Variants in SLC19A1 observed in about 807,000 individuals in gnomAD.
SLC19A1 encodes solute carrier family 19 member 1, also known as reduced folate transporter.
SLC19A1 carries 37 observed loss-of-function variants against 35.3 expected under a neutral mutation model. The observed-to-expected ratio is 1.05, with a 90% confidence interval of 0.81 to 1.38. SLC19A1 has a LOEUF of 1.38. Ranked by LOEUF, SLC19A1 falls within the 40% of genes most tolerant of loss-of-function variation. SLC19A1 has a pLI of 0.00. For synonymous variants in SLC19A1, 460 were observed against 398.5 expected, an observed-to-expected ratio of 1.15 and a Z score of -1.84; for missense variants, 831 against 826.9, an observed-to-expected ratio of 1.00 and a Z score of -0.06.
At chr21:45,510,304 AC>A, downstream of SLC19A1, 1 of 1,553,632 alleles carries the variant, frequency 6.4e-7, no homozygotes. Flanking sequence ...CTCGGCCCCC[AC>A]TTGACCTCTG....
chr21:45,535,845 A>C (rs1337304645), intron 2 of SLC19A1: 1 of 154,400 alleles, frequency 6.5e-6, no homozygotes. Flanking sequence ...CTCAAGTCAG[A>C]TTGGGCAGGA....
At position 45,530,570 on chromosome 21, in the gene SLC19A1, G is replaced by A. The variant is rs573588649; in HGVS notation, c.1151+200C>T. On this transcript the variant is annotated intron_variant, in intron 4 of 5. Transcript: ENST00000311124. This position sits in a 1 kb window ranked among gnomAD's most constrained non-coding sequence, Gnocchi z 5.3. The stretch of plus-strand genomic sequence containing the variant: ...AGAGAGGAGCGTGGAGGGCCTGGGG[G>A]AGCAGCAAGACGGCACAGGAAGGGA... Among the ~76,000 whole-genome samples the A allele has an allele frequency of 5.8e-4, 89 of 152,276 alleles. No homozygotes were observed. Among genetic ancestry groups the A allele is most frequent in the Middle Eastern group, 6.8e-3 (2 of 294 alleles).
chr21:45,528,861 A>G (rs1480813903), intron 4 of SLC19A1, among the ~76,000 whole-genome samples: 1 of 152,242 alleles, frequency 6.6e-6, no homozygotes, highest in East Asian at 1.9e-4. Context: ...AGACAAGCAG[A>G]AAATGCTGGG....
chr21:45,540,793 G>A lies in SLC19A1; in HGVS notation c.-50+1575C>T, dbSNP rs1215832956. Among the ~76,000 whole-genome samples, 3 of 152,286 alleles carry A rather than the reference G, an allele frequency of 2.0e-5. No individual in the cohort carries two copies. The highest frequency in any genetic ancestry group is 2.9e-5 in the Non-Finnish European group (2 of 68,028). On this transcript the variant is annotated intron_variant, in intron 1 of 5. Coordinates refer to ENST00000311124, the MANE Select transcript of SLC19A1 (RefSeq NM_194255.4). The surrounding 1 kb of genome is among the most constrained non-coding windows in gnomAD (Gnocchi z 5.5). ...CAGGAGGGCCACGGGGAAGCAGAGAGAATCCCTGCCTTCAGGAGAAGGTTG... is the reference window on the plus strand; with the variant it reads ...CAGGAGGGCCACGGGGAAGCAGAGAAAATCCCTGCCTTCAGGAGAAGGTTG...
Position 45,562,129 on chromosome 21 carries a change from CAAA to C in SLC19A1, c.-50+610_-50+612del, listed in dbSNP as rs34594751. On this transcript the variant is annotated intron_variant, in intron 1 of 5. Coordinates refer to the SLC19A1 transcript ENST00000650808. ...CTGGCAACAGATCAAGACTCTGTCT[CAAA>C]AAAAAAAAAAAAAAAAGACAAATCC... Among the ~76,000 whole-genome samples, 201 of 121,558 alleles carry C rather than the reference CAAA, an allele frequency of 1.7e-3. 2 individuals are homozygous for C. Among genetic ancestry groups the C allele is most frequent in the Non-Finnish European group, 1.6e-3 (94 of 59,364 alleles). 79.7% of individuals were successfully genotyped at this position (121,558 alleles called of 152,430 possible).
In SLC19A1 at chr21:45,514,815, C is replaced by T; in HGVS notation, c.*843G>A. 1 of 557,238 alleles carries T rather than the reference C, an allele frequency of 1.8e-6. No individual in the cohort carries two copies. Among genetic ancestry groups the T allele is most frequent in the South Asian group, 2.6e-5 (1 of 38,152 alleles). 34.5% of individuals were successfully genotyped at this position (557,238 alleles called of 1,614,324 possible). On this transcript the variant is annotated 3_prime_UTR_variant, in exon 6 of 6. Transcript: ENST00000311124. ...CACTAGCGCTCCTTAGACCCTGAGG[C>T]CGCTGGGACGTACTTCCCCAGCGCC...
chr21:45,550,943 C>G (rs2078459868), intron 1 of SLC19A1, among the ~76,000 whole-genome samples: 1 of 140,708 alleles, frequency 7.1e-6, no homozygotes, highest in Admixed American at 7.1e-5. Flanking sequence ...CAACCCTTCC[C>G]CCACCCTCCT....
In SLC19A1 at chr21:45,531,653, G is replaced by C. The variant is rs1167615796; in HGVS notation, c.685C>G (p.Arg229Gly). The change falls in exon 3 of 6, where the codon CGC (arginine) becomes GGC (glycine). Residue 229 changes from arginine (R) to glycine (G), a missense_variant. By Grantham distance (125) the Arg-to-Gly change is moderately radical. Transcript: ENST00000311124. ...RCETSASELE[R>G]MNPGPGGKLG... is the part of the protein sequence containing the mutation. The stretch of plus-strand genomic sequence containing the variant: ...TTCCCGCCTGGGCCAGGATTCATGC[G>C]CTCCAGCTCCGAAGCCGAGGTTTCG... The C allele has an allele frequency of 3.1e-6, 5 of 1,612,080 alleles. No homozygotes were observed. In the South Asian group the frequency reaches 4.4e-5, roughly 14 times the overall value.
rs60129112 is a variant in SLC19A1, at chr21:45,530,598, C to T, written c.1151+172G>A. Among the ~76,000 whole-genome samples the T allele has an allele frequency of 5.3e-5, 8 of 152,232 alleles. No individual in the cohort carries two copies. The East Asian group carries it at 1.5e-3, about 29-fold the overall frequency. On this transcript the variant is annotated intron_variant, in intron 4 of 5. Transcript: ENST00000311124. This position sits in a 1 kb window ranked among gnomAD's most constrained non-coding sequence, Gnocchi z 5.3. ...CAGCAAGACGGCACAGGAAGGGACG[C>T]CCGAGGTCCCAGGGAGAGGCAAGTG... is the stretch of plus-strand genomic sequence containing the variant.
chr21:45,509,391 G>A (rs1320716461), downstream of SLC19A1: 6 of 1,543,516 alleles, frequency 3.9e-6, no homozygotes, highest in Non-Finnish European at 5.2e-6. Flanking sequence ...CCCCCGTGGT[G>A]CAGCTGCACG....
chr21:45,555,667 G>C (rs541928673), intron 1 of SLC19A1, among the ~76,000 whole-genome samples: 1,974 of 152,064 alleles, frequency 0.013, 25 homozygotes, highest in Non-Finnish European at 0.02. Context: ...CGGCCCGCGT[G>C]GGGAGTGCCT....
At chr21:45,509,538 G>A (rs1250372155), downstream of SLC19A1, 2 of 1,538,864 alleles carry the variant, frequency 1.3e-6, no homozygotes, top group East Asian at 4.8e-5. Flanking sequence ...GCTCCTACGT[G>A]CACCTGCGGC....
chr21:45,512,201 G>A (rs61736805), downstream of SLC19A1: 34 of 1,612,326 alleles, frequency 2.1e-5, 1 homozygote, highest in Admixed American at 1.0e-4. Flanking sequence ...CCAGAAGAGC[G>A]TGTGGCATGG....
downstream of SLC19A1, among the ~76,000 whole-genome samples, chr21:45,510,756 C>T (rs1336570044): frequency 6.6e-6 from 1 of 152,188 alleles, no homozygotes; most frequent in East Asian, 1.9e-4. Flanking sequence ...GAACCAACAG[C>T]AGAGGGGTCA....
chr21:45,560,220 C>G (rs1011692967), intron 1 of SLC19A1, among the ~76,000 whole-genome samples: 58 of 152,218 alleles, frequency 3.8e-4, no homozygotes, highest in African/African-American at 1.3e-3. Flanking sequence ...GATCCACCCC[C>G]CAAGGACTCC....
intron 3 of SLC19A1, 47 bp downstream of exon 3, chr21:45,531,342 C>T (rs947578506): frequency 3.9e-6 from 6 of 1,535,440 alleles, no homozygotes; most frequent in Non-Finnish European, 5.3e-6. Flanking sequence ...CGGAGGTGGA[C>T]GGGAAGCCTC....
chr21:45,508,206 GTGTA>G (rs2037344490), downstream of SLC19A1, among the ~76,000 whole-genome samples: 1 of 150,290 alleles, frequency 6.7e-6, no homozygotes, highest in African/African-American at 2.5e-5. Context: ...AGGTGGGTGA[GTGTA>G]TGAATGGGTG....
chr21:45,512,438 T>G, downstream of SLC19A1: 2 of 1,586,472 alleles, frequency 1.3e-6, no homozygotes, highest in South Asian at 1.1e-5. Context: ...GACCGGCGGC[T>G]CGGAGGAAGC....
At chr21:45,539,549 A>G (rs561902387) in intron 1 of SLC19A1, among the ~76,000 whole-genome samples, 1 of 152,184 alleles carries the variant, frequency 6.6e-6, no homozygotes, top group Admixed American at 6.5e-5. Flanking sequence ...AGGGACCCCT[A>G]GGAAAATCTG....
Sources: gnomAD v4.1 joint callset for allele counts (sites outside exome capture counted in the v4.1 genomes callset) on GRCh38, gnomAD v4.1.1 for gene constraint, Gnocchi (gnomAD v3.1) non-coding constraint, MANE v1.5 for transcripts, NCBI Gene and HGNC (gene_info 2026-07-23, HGNC 2026-07-21) for gene names.